Variants in EPS8 observed in about 807,000 individuals in gnomAD.
EPS8 encodes the protein epidermal growth factor receptor kinase substrate 8.
EPS8 carries 42 observed loss-of-function variants against 103.8 expected under a neutral mutation model. That is an observed-to-expected ratio of 0.40 (90% CI 0.32 to 0.52). The LOEUF is 0.52. EPS8 is among the 20% of genes least tolerant of loss of function. EPS8 has a pLI of 0.40. For missense variants in EPS8, 969 were observed against 1,005.1 expected, an observed-to-expected ratio of 0.96 and a Z score of 0.49; for synonymous variants, 344 against 344.6, an observed-to-expected ratio of 1.00 and a Z score of 0.02.
In EPS8 at chr12:15,714,599, C is replaced by T. The variant is rs906621823; in HGVS notation, c.-21-31627G>A. On this transcript the variant is annotated intron_variant, in intron 1 of 20. Coordinates refer to ENST00000281172, the MANE Select transcript of EPS8 (RefSeq NM_004447.6). This position sits in a 1 kb window ranked among gnomAD's most constrained non-coding sequence, Gnocchi z 4.1. ...TGAGCCCAGGAGTGAGCTATGATCA[C>T]GCCACTGTATTCCAGCCTGTGTGAC... Among the ~76,000 whole-genome samples the T allele has an allele frequency of 6.6e-6, 1 of 152,164 alleles. No homozygotes were observed. Among genetic ancestry groups the T allele is most frequent in the African/African-American group, 2.4e-5 (1 of 41,440 alleles).
chr12:15,702,432 T>C lies in EPS8; in HGVS notation c.-21-19460A>G, dbSNP rs1946322449. ...AAACTACAAACACTTCTGGGAGTAA[T>C]AATGTATTATGTCATTAACATTTAA... On this transcript the variant is annotated intron_variant, in intron 1 of 20. Transcript: ENST00000281172. This position sits in a 1 kb window ranked among gnomAD's most constrained non-coding sequence, Gnocchi z 5.1. 6.6e-6 allele frequency among the ~76,000 whole-genome samples: 1 copy of C among 152,186 alleles called. No homozygotes were observed. Among genetic ancestry groups the C allele is most frequent in the Non-Finnish European group, 1.5e-5 (1 of 68,032 alleles).
At position 15,706,251 on chromosome 12, in the gene EPS8, A is replaced by T. The variant is rs1591878962; in HGVS notation, c.-21-23279T>A. Among the ~76,000 whole-genome samples, 1 of 152,164 alleles carries T rather than the reference A, an allele frequency of 6.6e-6. No homozygotes were observed. The highest frequency in any genetic ancestry group is 2.4e-5 in the African/African-American group (1 of 41,442). ...TGGGGTGGAGCCTGAGCAAGTTTGC[A>T]CCTTTGCAGAGGGGAGGAGCCTGGC... On this transcript the variant is annotated intron_variant, in intron 1 of 20. Transcript: ENST00000281172. This position sits in a 1 kb window ranked among gnomAD's most constrained non-coding sequence, Gnocchi z 5.2.
rs1249481722 is a variant in EPS8 at position 15,771,016 on chromosome 12, A to G, written c.-22+18145T>C. On this transcript the variant is annotated intron_variant, in intron 1 of 20. Transcript: ENST00000281172. This position sits in a 1 kb window ranked among gnomAD's most constrained non-coding sequence, Gnocchi z 4.6. ...TTAGAGGAGCTTGATACCTGGTATC[A>G]GGTAACACACATGTATATAAATTAC... Among the ~76,000 whole-genome samples the G allele has an allele frequency of 6.6e-6, 1 of 152,232 alleles. No homozygotes were observed. Among genetic ancestry groups the G allele is most frequent in the Non-Finnish European group, 1.5e-5 (1 of 68,044 alleles).
chr12:15,759,337 T>C lies in EPS8; in HGVS notation c.-22+29824A>G, dbSNP rs924334984. On this transcript the variant is annotated intron_variant, in intron 1 of 20. Transcript: ENST00000281172. The surrounding 1 kb of genome is among the most constrained non-coding windows in gnomAD (Gnocchi z 4.9). ...ATGCTTTGAAGGCAACAATTAGCTA[T>C]ACTTCCATAATTTTGATCTGATTCA... 6.6e-6 allele frequency among the ~76,000 whole-genome samples: 1 copy of C among 152,142 alleles called. No individual in the cohort carries two copies. Among genetic ancestry groups the C allele is most frequent in the South Asian group, 2.1e-4 (1 of 4,836 alleles).
rs113178913 is a variant in EPS8 at position 15,662,727 on chromosome 12, C to A, written c.737-628G>T. ...CAGTTGGCTACAGCATGATGTTAAT[C>A]ATGAAGTTATTATCATGAACTCCTT... On this transcript the variant is annotated intron_variant, in intron 8 of 20. Coordinates refer to ENST00000281172, the MANE Select transcript of EPS8 (RefSeq NM_004447.6). 159 of 885,096 alleles carry A rather than the reference C, an allele frequency of 1.8e-4. 2 individuals are homozygous for A. In the African/African-American group the frequency reaches 2.7e-3, roughly 15 times the overall value. The allele number at this position is 885,096 out of a possible 1,614,324, so 54.8% of individuals were successfully genotyped here.
In EPS8 at chr12:15,769,014, G is replaced by A. The variant is rs1033489948; in HGVS notation, c.-22+20147C>T. 2.6e-5 allele frequency among the ~76,000 whole-genome samples: 4 copies of A among 152,002 alleles called. No individual in the cohort carries two copies. The highest frequency in any genetic ancestry group is 4.8e-5 in the African/African-American group (2 of 41,382). Reference sequence around the variant, plus strand: ...CACAAATACACTTATTCATAATTGCGCTGGCAAACAGTTCTTATCAGATAT... The same window carrying A: ...CACAAATACACTTATTCATAATTGCACTGGCAAACAGTTCTTATCAGATAT... On this transcript the variant is annotated intron_variant, in intron 1 of 20. Transcript: ENST00000281172. This position sits in a 1 kb window ranked among gnomAD's most constrained non-coding sequence, Gnocchi z 4.6.
At chr12:15,763,327 G>T (rs1947060560) in intron 1 of EPS8, among the ~76,000 whole-genome samples, 1 of 152,052 alleles carries the variant, frequency 6.6e-6, no homozygotes, top group Non-Finnish European at 1.5e-5. Flanking sequence ...GCAAAGCAAG[G>T]CAATGAAATA....
intron 1 of EPS8, among the ~76,000 whole-genome samples, chr12:15,686,230 T>G (rs1442042180): frequency 1.3e-5 from 2 of 152,224 alleles, no homozygotes; most frequent in Non-Finnish European, 2.9e-5. Context: ...TTCTCCTTCT[T>G]AAGTATTTTC....
At chr12:15,691,035 T>C (rs1946164250) in intron 1 of EPS8, among the ~76,000 whole-genome samples, 1 of 152,002 alleles carries the variant, frequency 6.6e-6, no homozygotes, top group Admixed American at 6.6e-5. Context: ...AACAAATCTC[T>C]AGCACCTCAT....
chr12:15,673,443 T>C (rs1565493038), intron 3 of EPS8, among the ~76,000 whole-genome samples: 1 of 152,158 alleles, frequency 6.6e-6, no homozygotes, highest in Non-Finnish European at 1.5e-5. Context: ...TTTATGAGAA[T>C]CACATGTATT....
chr12:15,647,813 T>C (rs1438896140), intron 14 of EPS8, among the ~76,000 whole-genome samples: 2 of 152,168 alleles, frequency 1.3e-5, no homozygotes, highest in Admixed American at 6.5e-5. Context: ...TAGGTCCCAC[T>C]GAGGACCACA....
chr12:15,789,381 T>G lies in EPS8; in HGVS notation c.-242A>C, dbSNP rs1372119250. The G allele has an allele frequency of 1.3e-5, 2 of 152,434 alleles. No individual in the cohort carries two copies. The highest frequency in any genetic ancestry group is 2.9e-5 in the Non-Finnish European group (2 of 68,348). 9.4% of individuals were successfully genotyped at this position (152,434 alleles called of 1,614,324 possible). Reference sequence around the variant, plus strand: ...AGACCGCCTCGCTAGCTGCTGCCTGTGAAGTCTGGAGCCGCCCGCCCGCTC... The same window carrying G: ...AGACCGCCTCGCTAGCTGCTGCCTGGGAAGTCTGGAGCCGCCCGCCCGCTC... On this transcript the variant is annotated 5_prime_UTR_variant, in exon 1 of 21. Coordinates refer to ENST00000281172, the MANE Select transcript of EPS8 (RefSeq NM_004447.6). The surrounding 1 kb of genome is among the most constrained non-coding windows in gnomAD (Gnocchi z 6.1).
intron 6 of EPS8, among the ~76,000 whole-genome samples, chr12:15,667,903 C>T (rs1363874439): frequency 6.6e-6 from 1 of 152,028 alleles, no homozygotes; most frequent in Admixed American, 6.6e-5. Flanking sequence ...CATTCCATAT[C>T]AAGTAAAGCA....
Position 15,733,742 on chromosome 12 carries a change from T to C in EPS8, c.-21-50770A>G, listed in dbSNP as rs1466282513. Among the ~76,000 whole-genome samples, 2 of 152,170 alleles carry C rather than the reference T, an allele frequency of 1.3e-5. No homozygotes were observed. The highest frequency in any genetic ancestry group is 1.9e-4 in the East Asian group (1 of 5,196). ...ATTTTACTAAGCATCATACCACATA[T>C]ATCAAGGCATCCAGATGAATGATTA... On this transcript the variant is annotated intron_variant, in intron 1 of 20. Transcript: ENST00000281172. The surrounding 1 kb of genome is among the most constrained non-coding windows in gnomAD (Gnocchi z 4.8).
chr12:15,754,429 A>C (rs1222364738), intron 1 of EPS8, among the ~76,000 whole-genome samples: 2 of 152,108 alleles, frequency 1.3e-5, no homozygotes, highest in Non-Finnish European at 2.9e-5. Context: ...TACAGGGGGA[A>C]AAACAAGAAG....
chr12:15,681,065 T>C (rs879113118), intron 3 of EPS8, among the ~76,000 whole-genome samples, 161 bp downstream of exon 3: 4 of 152,188 alleles, frequency 2.6e-5, no homozygotes, highest in Non-Finnish European at 5.9e-5. Context: ...ATGGCTTTGG[T>C]AGTTTTTATA....
chr12:15,770,426 G>A (rs1167880819), intron 1 of EPS8, among the ~76,000 whole-genome samples: 1 of 152,032 alleles, frequency 6.6e-6, no homozygotes, highest in East Asian at 1.9e-4. Context: ...GTTTTTGTAG[G>A]CCCTTTTGGG....
chr12:15,687,235 C>T (rs1475918538), intron 1 of EPS8, among the ~76,000 whole-genome samples: 1 of 151,996 alleles, frequency 6.6e-6, no homozygotes, highest in African/African-American at 2.4e-5. Context: ...AAAGACGGCA[C>T]CATGTATTTT....
chr12:15,690,680 T>A lies in EPS8; in HGVS notation c.-21-7708A>T, dbSNP rs73315062. On this transcript the variant is annotated intron_variant, in intron 1 of 20. Coordinates refer to ENST00000281172, the MANE Select transcript of EPS8 (RefSeq NM_004447.6). This position sits in a 1 kb window ranked among gnomAD's most constrained non-coding sequence, Gnocchi z 4.7. ...TTGCTTTCTAACAGAATACGTTGTA[T>A]ACTTTTCTAGGTATCAGACTGTATC... Among the ~76,000 whole-genome samples, 10,166 of 152,240 alleles carry A rather than the reference T, an allele frequency of 0.067. 1,158 individuals are homozygous for A. Among genetic ancestry groups the A allele is most frequent in the African/African-American group, 0.23 (9,446 of 41,490 alleles).
Sources: gnomAD v4.1 joint callset for allele counts (sites outside exome capture counted in the v4.1 genomes callset) on GRCh38, gnomAD v4.1.1 for gene constraint, Gnocchi (gnomAD v3.1) non-coding constraint, MANE v1.5 for transcripts, NCBI Gene and HGNC (gene_info 2026-07-23, HGNC 2026-07-21) for gene names.